Variants in CDH13 observed in about 807,000 individuals in gnomAD.
CDH13 encodes cadherin-13.
Under a neutral mutation model 63.8 loss-of-function variants are expected in CDH13, and 24 were observed. The observed-to-expected ratio is 0.38, with a 90% CI of 0.27 to 0.53. CDH13 has a LOEUF of 0.53. CDH13 is among the 20% of genes least tolerant of loss of function. CDH13 has a pLI of 0.85. For missense variants in CDH13, 1,049 were observed against 903.1 expected (o/e 1.16, Z -2.07); for synonymous variants, 503 against 355.3 (o/e 1.42, Z -4.67).
At chr16:83,306,286 A>G (rs370629315) in intron 5 of CDH13, among the ~76,000 whole-genome samples, 1 of 152,202 alleles carries the variant, frequency 6.6e-6, no homozygotes, top group African/African-American at 2.4e-5. Context: ...AGGCTTATGT[A>G]GAAATTGGAT....
At chr16:83,041,332 A>C (rs1209396674) in intron 3 of CDH13, among the ~76,000 whole-genome samples, 1 of 152,224 alleles carries the variant, frequency 6.6e-6, no homozygotes, top group African/African-American at 2.4e-5. Flanking sequence ...CGTTGCAAAC[A>C]TGCAATTTAA....
chr16:83,396,072 G>T (rs2091881493), intron 6 of CDH13, among the ~76,000 whole-genome samples: 4 of 152,282 alleles, frequency 2.6e-5, no homozygotes, highest in African/African-American at 9.6e-5. Flanking sequence ...GTGTTAGTTT[G>T]CTAAGGATAA....
chr16:82,806,647 G>A (rs1043107829), intron 1 of CDH13, among the ~76,000 whole-genome samples: 3 of 152,088 alleles, frequency 2.0e-5, no homozygotes, highest in Admixed American at 1.3e-4. Flanking sequence ...GTTGAATAAT[G>A]GTGGGATTTT....
chr16:83,731,286 G>GT (rs1248424286), intron 10 of CDH13, among the ~76,000 whole-genome samples: 2 of 152,082 alleles, frequency 1.3e-5, no homozygotes, highest in Admixed American at 1.3e-4. Flanking sequence ...CACCAACAGT[G>GT]TATAAGAGTT....
chr16:82,970,442 G>C (rs1477139851), intron 2 of CDH13, among the ~76,000 whole-genome samples: 1 of 106,592 alleles, frequency 9.4e-6, no homozygotes, highest in African/African-American at 3.1e-5. Flanking sequence ...GCCCAGGCCG[G>C]ACTGCGGACT....
At chr16:83,235,003 C>A (rs2040103698) in intron 5 of CDH13, among the ~76,000 whole-genome samples, 4 of 152,120 alleles carry the variant, frequency 2.6e-5, no homozygotes, top group Admixed American at 2.6e-4. Context: ...TCAATACCAG[C>A]CTGGGCAACA....
At chr16:83,409,081 T>C (rs1329556965) in intron 6 of CDH13, among the ~76,000 whole-genome samples, 2 of 152,076 alleles carry the variant, frequency 1.3e-5, no homozygotes, top group African/African-American at 4.8e-5. Context: ...TGGTTTATTT[T>C]GGGAGGTACA....
chr16:83,506,306 C>A (rs938947201), intron 7 of CDH13, among the ~76,000 whole-genome samples: 2 of 152,146 alleles, frequency 1.3e-5, no homozygotes, highest in Non-Finnish European at 2.9e-5. Flanking sequence ...GGGGCAGTTC[C>A]TGGGAAAGGG....
chr16:83,549,633 C>T (rs2075453713), intron 7 of CDH13, among the ~76,000 whole-genome samples: 1 of 144,864 alleles, frequency 6.9e-6, no homozygotes, highest in Non-Finnish European at 1.5e-5. Flanking sequence ...CATCATTTTT[C>T]TCTACGCTCA....
intron 1 of CDH13, among the ~76,000 whole-genome samples, chr16:82,762,262 G>T (rs915462771): frequency 2.0e-5 from 3 of 152,134 alleles, no homozygotes; most frequent in South Asian, 2.1e-4. Flanking sequence ...ATGATCTGAT[G>T]CTGAGGATTT....
intron 6 of CDH13, among the ~76,000 whole-genome samples, chr16:83,407,972 C>G (rs1356882367): frequency 6.6e-6 from 1 of 152,126 alleles, no homozygotes; most frequent in East Asian, 1.9e-4. Context: ...CACAACATTC[C>G]CAGTCATTCC....
At chr16:82,749,547 A>G (rs1032271010) in intron 1 of CDH13, among the ~76,000 whole-genome samples, 3 of 152,200 alleles carry the variant, frequency 2.0e-5, no homozygotes, top group Non-Finnish European at 2.9e-5. Flanking sequence ...CAAAAACTCA[A>G]TGTAAGGCTC....
chr16:82,865,597 G>A (rs2040103054), intron 2 of CDH13, among the ~76,000 whole-genome samples: 1 of 152,212 alleles, frequency 6.6e-6, no homozygotes, highest in African/African-American at 2.4e-5. Context: ...AAAGCAGCAA[G>A]GCCCTGGGTC....
At chr16:82,835,120 A>G (rs1033654462) in intron 1 of CDH13, among the ~76,000 whole-genome samples, 1 of 152,248 alleles carries the variant, frequency 6.6e-6, no homozygotes, top group Non-Finnish European at 1.5e-5. Flanking sequence ...TGCAACGTGT[A>G]GGTAATATAG....
chr16:83,602,082 C>A (rs1598354364), intron 7 of CDH13, among the ~76,000 whole-genome samples: 5 of 32,298 alleles, frequency 1.5e-4, no homozygotes, highest in African/African-American at 1.6e-4. Flanking sequence ...GACTCTGTCT[C>A]AAAAAAAAAA....
chr16:83,721,999 G>A (rs958271397), intron 10 of CDH13, among the ~76,000 whole-genome samples: 2 of 152,174 alleles, frequency 1.3e-5, no homozygotes, highest in Non-Finnish European at 2.9e-5. Flanking sequence ...TGAACTGGGA[G>A]TGGAGGGGTC....
intron 2 of CDH13, among the ~76,000 whole-genome samples, chr16:82,864,610 T>C (rs1230960763): frequency 6.6e-6 from 1 of 152,058 alleles, no homozygotes; most frequent in African/African-American, 2.4e-5. Flanking sequence ...CGTAATTCAG[T>C]TACCTCCAGC....
intron 1 of CDH13, among the ~76,000 whole-genome samples, chr16:82,706,177 C>G (rs1033843619): frequency 3.3e-5 from 5 of 152,110 alleles, no homozygotes; most frequent in African/African-American, 9.7e-5. Flanking sequence ...TTCGCTCCCT[C>G]TTTCCCTTCA....
At chr16:83,136,805 T>C (rs2036310231) in intron 4 of CDH13, among the ~76,000 whole-genome samples, 1 of 152,258 alleles carries the variant, frequency 6.6e-6, no homozygotes, top group Non-Finnish European at 1.5e-5. Flanking sequence ...CCCAGATTCG[T>C]AGGAGTGGTC....
Sources: allele counts gnomAD v4.1 joint callset (sites outside exome capture counted in the v4.1 genomes callset), GRCh38; gene constraint gnomAD v4.1.1; transcripts MANE v1.5; gene names NCBI Gene and HGNC (gene_info 2026-07-23, HGNC 2026-07-21).